The following DNM1L variants were observed in gnomAD, a reference collection of about 807,000 sequenced individuals.
DNM1L encodes the protein dynamin 1L.
In DNM1L, 33 loss-of-function variants were observed where a neutral mutation model predicts 92.8. The ratio of observed to expected loss-of-function variants is 0.36; its 90% CI spans 0.27 to 0.48. The LOEUF (loss-of-function observed/expected upper bound fraction) is 0.48. DNM1L is among the 20% of genes least tolerant of loss of function. The pLI, the probability that DNM1L is intolerant of heterozygous loss-of-function variation, is 0.99. For missense variants in DNM1L, 485 were observed against 888.8 expected, an observed-to-expected ratio of 0.55 and a Z score of 5.78; for synonymous variants, 284 against 305.0, an observed-to-expected ratio of 0.93 and a Z score of 0.72.
chr12:32,720,757 T>C lies in DNM1L; in HGVS notation c.834T>C (p.Asn278=), dbSNP rs1449638072. The change falls in exon 8 of 20, where the codon AAT becomes AAC. Residue 278 remains asparagine, a synonymous_variant. Coordinates refer to ENST00000549701, the MANE Select transcript of DNM1L (RefSeq NM_012062.5). ...AAAAGAAATATCCATCTCTGGCCAA[T>C]AGAAATGGAACAAAGTATCTTGCTA... The part of the protein sequence containing the change: ...FLQKKYPSLA[N]RNGTKYLART... 8.1e-6 allele frequency: 13 copies of C among 1,613,634 alleles called. No homozygotes were observed. The highest frequency in any genetic ancestry group is 2.7e-5 in the African/African-American group (2 of 74,906).
At chr12:32,713,108 A>G (rs1953204364) in intron 5 of DNM1L, 101 bp from the exon 6 acceptor site, 4 of 1,154,924 alleles carry the variant, frequency 3.5e-6, no homozygotes, top group South Asian at 1.5e-5. Context: ...TATTTTAACT[A>G]TTTTTAAATG....
intron 1 of DNM1L, among the ~76,000 whole-genome samples, chr12:32,689,726 G>C (rs1013172477): frequency 3.9e-5 from 6 of 152,184 alleles, no homozygotes; most frequent in African/African-American, 1.2e-4. Context: ...TAAGGGATCA[G>C]CTTTGGTTAA....
chr12:32,709,081 G>A (rs543682346), intron 4 of DNM1L, among the ~76,000 whole-genome samples: 122 of 152,234 alleles, frequency 8.0e-4, no homozygotes, highest in East Asian at 2.5e-3. Flanking sequence ...TTAGAGTCAT[G>A]TTAACCTTTA....
chr12:32,692,162 T>C (rs1952260003), intron 1 of DNM1L, among the ~76,000 whole-genome samples: 1 of 152,204 alleles, frequency 6.6e-6, no homozygotes, highest in Non-Finnish European at 1.5e-5. Flanking sequence ...ATTTTAATTA[T>C]TTAAAATTTT....
At chr12:32,694,249 G>A (rs944453660) in intron 1 of DNM1L, among the ~76,000 whole-genome samples, 4 of 151,956 alleles carry the variant, frequency 2.6e-5, no homozygotes, top group African/African-American at 9.7e-5. Flanking sequence ...CCTTGCCCGT[G>A]TAATTTTTGT....
At chr12:32,739,086 T>TTAAG (rs1955104128) in intron 16 of DNM1L, among the ~76,000 whole-genome samples, 1 of 152,222 alleles carries the variant, frequency 6.6e-6, no homozygotes, top group Non-Finnish European at 1.5e-5. Context: ...TTACTCATTT[T>TTAAG]TAAGTTAATG....
intron 2 of DNM1L, chr12:32,705,707 T>G (rs1442435396): frequency 4.4e-6 from 4 of 911,092 alleles, no homozygotes; most frequent in Admixed American, 2.4e-5. Flanking sequence ...TTTGAATAAT[T>G]GAATGCTATG....
At chr12:32,737,275 A>G (rs929969781) in intron 14 of DNM1L, 114 bp downstream of exon 14, 3 of 1,038,106 alleles carry the variant, frequency 2.9e-6, no homozygotes, top group Non-Finnish European at 4.4e-6. Flanking sequence ...TTAACACTCC[A>G]TTGGAACTAA....
At chr12:32,706,477 C>T (rs551060165) in intron 2 of DNM1L, among the ~76,000 whole-genome samples, 299 of 152,274 alleles carry the variant, frequency 2.0e-3, no homozygotes, top group Middle Eastern at 3.4e-3. Flanking sequence ...TTAAACAGTT[C>T]TAGTTTTTCT....
In DNM1L at chr12:32,701,561, TG is replaced by T. The variant is rs762201766; in HGVS notation, c.250+1del. The T allele has an allele frequency of 6.2e-7, 1 of 1,612,884 alleles. No individual in the cohort carries two copies. The highest frequency in any genetic ancestry group is 8.5e-7 in the Non-Finnish European group (1 of 1,179,108). On this transcript the variant is annotated frameshift_variant and splice_region_variant, in exon 2 of 20. Coordinates refer to ENST00000549701, the MANE Select transcript of DNM1L (RefSeq NM_012062.5). LOFTEE classifies it high-confidence loss of function. ...AACGGAAAACAACAGGAGAAGAAAA[TG>T]GTAAATTTCAGATTTGAGATAATTA... ...DKRKTTGEEN[G>X]VEAEEWGKFL...
In DNM1L at chr12:32,701,480, A is replaced by C. The variant is rs1952697712; in HGVS notation, c.168A>C (p.Gly56=). The change falls in exon 2 of 20, where the codon GGA becomes GGC. Residue 56 remains glycine, a synonymous_variant. Coordinates refer to ENST00000549701, the MANE Select transcript of DNM1L (RefSeq NM_012062.5). ...GGGACCTGCTTCCCAGAGGTACTGG[A>C]ATTGTCACCCGGAGACCTCTCATTC... The part of the protein sequence containing the change: ...VGRDLLPRGT[G]IVTRRPLILQ... 8.1e-6 allele frequency: 13 copies of C among 1,613,836 alleles called. No individual in the cohort carries two copies. Among genetic ancestry groups the C allele is most frequent in the Non-Finnish European group, 1.1e-5 (13 of 1,179,758 alleles).
At position 32,710,940 on chromosome 12, in the gene DNM1L, T is replaced by C; in HGVS notation, c.381T>C (p.Pro127=). Residue 127 remains proline (P), a synonymous_variant, in exon 5 of 20, where the codon CCT becomes CCC. Coordinates refer to ENST00000549701, the MANE Select transcript of DNM1L (RefSeq NM_012062.5). ...RISGNNKGVS[P]EPIHLKIFSP... is the part of the protein sequence containing the mutation. ...AAATTTATTTTTAGGGAGTAAGCCCTGAACCAATTCATCTTAAGATTTTTT... is the reference window on the plus strand; with the variant it reads ...AAATTTATTTTTAGGGAGTAAGCCCCGAACCAATTCATCTTAAGATTTTTT... The C allele has an allele frequency of 6.2e-7, 1 of 1,613,706 alleles. No homozygotes were observed. The highest frequency in any genetic ancestry group is 1.3e-5 in the African/African-American group (1 of 75,064).
intron 1 of DNM1L, among the ~76,000 whole-genome samples, chr12:32,681,678 T>G (rs973986773): frequency 1.3e-5 from 2 of 151,406 alleles, no homozygotes; most frequent in Non-Finnish European, 2.9e-5. Flanking sequence ...ACCATTACTT[T>G]GTGATGTCTG....
At position 32,692,272 on chromosome 12, in the gene DNM1L, G is replaced by C. The variant is rs574804223; in HGVS notation, c.103-9143G>C. On this transcript the variant is annotated intron_variant, in intron 1 of 19. Coordinates refer to ENST00000549701, the MANE Select transcript of DNM1L (RefSeq NM_012062.5). ...AGCACAGGCTCCAGGAAGTCCTGCT[G>C]GGATCTCAGGAATAGCGACAACATG... 2.0e-4 allele frequency among the ~76,000 whole-genome samples: 30 copies of C among 152,288 alleles called. 1 individual carries two copies. The South Asian group carries it at 6.2e-3, about 32-fold the overall frequency.
In DNM1L at chr12:32,722,619, T is replaced by C. The variant is rs374035685; in HGVS notation, c.1065T>C (p.Ile355=). Residue 355 remains isoleucine, a synonymous_variant, in exon 9 of 20, where the codon ATT becomes ATC. Coordinates refer to ENST00000549701, the MANE Select transcript of DNM1L (RefSeq NM_012062.5). ...CNTIEGTAKY[I]ETSELCGGAR... is the part of the protein sequence containing the mutation. ...CTATTGAAGGAACTGCAAAATATAT[T>C]GAAACTTCGGAGCTGTAAGTAAGAA... is the stretch of plus-strand genomic sequence containing the variant. 3.1e-6 allele frequency: 5 copies of C among 1,612,232 alleles called. No individual in the cohort carries two copies. In the African/African-American group the frequency reaches 6.7e-5, roughly 22 times the overall value.
At chr12:32,732,806 CTG>C (rs1954636578) in intron 12 of DNM1L, among the ~76,000 whole-genome samples, 1 of 152,170 alleles carries the variant, frequency 6.6e-6, no homozygotes, top group South Asian at 2.1e-4. Flanking sequence ...TTTATTCTCT[CTG>C]TAAGACTCAG....
At chr12:32,697,185 T>C (rs1952503014) in intron 1 of DNM1L, among the ~76,000 whole-genome samples, 2 of 151,868 alleles carry the variant, frequency 1.3e-5, no homozygotes, top group Non-Finnish European at 2.9e-5. Context: ...GCCACGATTA[T>C]GCCATTGCAC....
At chr12:32,707,272 A>G in intron 2 of DNM1L, 95 bp from the exon 3 acceptor site, 2 of 928,448 alleles carry the variant, frequency 2.2e-6, no homozygotes, top group Non-Finnish European at 1.7e-6. Context: ...ATTAAATACA[A>G]GTTAAGAAGT....
intron 1 of DNM1L, among the ~76,000 whole-genome samples, chr12:32,690,960 G>A (rs1228311360): frequency 6.6e-6 from 1 of 152,150 alleles, no homozygotes; most frequent in East Asian, 1.9e-4. Flanking sequence ...TTTATTCATT[G>A]CATGTGTGCG....
Sources: allele counts gnomAD v4.1 joint callset (sites outside exome capture counted in the v4.1 genomes callset), GRCh38; gene constraint gnomAD v4.1.1; transcripts MANE v1.5; gene names NCBI Gene and HGNC (gene_info 2026-07-23, HGNC 2026-07-21).